Variants in HAT1 observed in about 807,000 individuals in gnomAD.
HAT1 encodes histone acetyltransferase type B catalytic subunit.
In HAT1, 20 loss-of-function variants were observed where a neutral mutation model predicts 56.6. The observed-to-expected ratio is 0.35, with a 90% confidence interval of 0.25 to 0.51. The LOEUF (loss-of-function observed/expected upper bound fraction) is 0.51. Among genes scored for constraint, HAT1 ranks in the 20% least tolerant of loss-of-function variants. HAT1 has a pLI of 0.95. For missense variants in HAT1, 408 were observed against 504.3 expected (o/e 0.81, Z 1.83); for synonymous variants, 146 against 165.5 (o/e 0.88, Z 0.91).
intron 6 of HAT1, 43 bp from the exon 7 acceptor site, chr2:171,966,366 C>T (rs1687683000): frequency 5.2e-6 from 5 of 962,560 alleles, no homozygotes; most frequent in African/African-American, 1.6e-5. Context: ...TGCATGGGAG[C>T]GCGACTGTAA....
chr2:171,922,876 G>A, intron 1 of HAT1: 1 of 242,954 alleles, frequency 4.1e-6, no homozygotes, highest in Non-Finnish European at 7.8e-6. Context: ...ATCTGGTCCT[G>A]TTCCCGCCAG....
At chr2:171,923,173 C>T (rs185123534) in intron 1 of HAT1, 1 of 152,196 alleles carries the variant, frequency 6.6e-6, no homozygotes, top group Non-Finnish European at 1.5e-5. Context: ...CTTCAAGTTA[C>T]AACATTTAAT....
chr2:171,950,404 C>T (rs912881829), intron 3 of HAT1, among the ~76,000 whole-genome samples: 25 of 152,066 alleles, frequency 1.6e-4, no homozygotes, highest in Non-Finnish European at 2.5e-4. Context: ...TGGTCCCGAA[C>T]TCTGGAGCTT....
intron 3 of HAT1, 81 bp downstream of exon 3, chr2:171,946,864 AATTTT>A (rs1687179868): frequency 1.5e-6 from 1 of 676,162 alleles, no homozygotes; most frequent in Admixed American, 2.8e-5. Flanking sequence ...TTAGAAATCA[AATTTT>A]ATTTTCTTCT....
chr2:171,979,520 A>T, intron 10 of HAT1, 157 bp downstream of exon 10: 1 of 543,086 alleles, frequency 1.8e-6, no homozygotes, highest in Non-Finnish European at 3.3e-6. Context: ...AAAAATTCTC[A>T]CTCATGGCCG....
intron 2 of HAT1, among the ~76,000 whole-genome samples, chr2:171,946,445 C>G (rs1574046076): frequency 6.6e-6 from 1 of 152,262 alleles, no homozygotes; most frequent in African/African-American, 2.4e-5. Context: ...AAATGAGGTG[C>G]CTCTGTCATA....
chr2:171,943,726 C>CATATATATATAT (rs141557606), intron 2 of HAT1, among the ~76,000 whole-genome samples: 23 of 143,020 alleles, frequency 1.6e-4, no homozygotes, highest in South Asian at 6.6e-4. Flanking sequence ...TATGGACATT[C>CATATATATATAT]ATATATATAT....
intron 4 of HAT1, 63 bp downstream of exon 4, chr2:171,953,064 G>C (rs1487221987): frequency 8.3e-7 from 1 of 1,197,902 alleles, no homozygotes; most frequent in Non-Finnish European, 1.2e-6. Flanking sequence ...TAGGTTTTAG[G>C]CCAGGTGCGG....
At chr2:171,934,411 A>G (rs1320319468) in intron 2 of HAT1, among the ~76,000 whole-genome samples, 1 of 152,216 alleles carries the variant, frequency 6.6e-6, no homozygotes, top group Non-Finnish European at 1.5e-5. Context: ...AATTTCTACC[A>G]TAACAAGATG....
intron 4 of HAT1, among the ~76,000 whole-genome samples, chr2:171,963,159 T>G (rs1687612413): frequency 6.6e-6 from 1 of 150,976 alleles, no homozygotes; most frequent in Non-Finnish European, 1.5e-5. Flanking sequence ...TATTTGGTTT[T>G]AAGTTGTATA....
At position 171,927,949 on chromosome 2, in the gene HAT1, C is replaced by T. The variant is rs181713223; in HGVS notation, c.112+2308C>T. On this transcript the variant is annotated intron_variant, in intron 2 of 10. Transcript: ENST00000264108. ...TCACCCAGGCTGGAGTGCAATGACG[C>T]GGTCTTGGCTCACTGAAACCTCTGC... 4.6e-3 allele frequency among the ~76,000 whole-genome samples: 704 copies of T among 151,994 alleles called. 4 individuals are homozygous for T. The highest frequency in any genetic ancestry group is 7.3e-3 in the Non-Finnish European group (499 of 67,958).
intron 2 of HAT1, among the ~76,000 whole-genome samples, chr2:171,930,849 A>G (rs1686725837): frequency 6.6e-6 from 1 of 151,712 alleles, no homozygotes; most frequent in Admixed American, 6.6e-5. Context: ...TCCTGGGCTC[A>G]AGCAATCCTC....
At chr2:171,945,703 C>T (rs947457432) in intron 2 of HAT1, among the ~76,000 whole-genome samples, 3 of 151,392 alleles carry the variant, frequency 2.0e-5, no homozygotes, top group Non-Finnish European at 4.4e-5. Flanking sequence ...GAGTCTCGCT[C>T]TCTTGGCCAG....
Position 171,946,731 on chromosome 2 carries a change from A to C in HAT1, c.136A>C (p.Asn46His), listed in dbSNP as rs777534028. ...KLVRFPEDLE[N>H]DIRTFFPEYT... Reference sequence around the variant, plus strand: ...AGTTCGTTTTCCTGAAGATCTTGAAAATGACATTAGAACTTTCTTTCCTGA... The same window carrying C: ...AGTTCGTTTTCCTGAAGATCTTGAACATGACATTAGAACTTTCTTTCCTGA... The change falls in exon 3 of 11, where the codon AAT becomes CAT. Residue 46 changes from asparagine (N) to histidine (H), a missense_variant. Physicochemically the swap from Asn to His is moderately conservative, Grantham distance 68 (BLOSUM62 1). Coordinates refer to ENST00000264108, the MANE Select transcript of HAT1 (RefSeq NM_003642.4). The C allele has an allele frequency of 8.8e-6, 14 of 1,582,772 alleles. No homozygotes were observed. Among genetic ancestry groups the C allele is most frequent in the Middle Eastern group, 1.7e-4 (1 of 5,996 alleles).
intron 3 of HAT1, among the ~76,000 whole-genome samples, chr2:171,952,191 T>A (rs1005577465): frequency 3.3e-5 from 5 of 152,222 alleles, no homozygotes; most frequent in Non-Finnish European, 7.3e-5. Context: ...AATGCATTAA[T>A]AGTCACTTTA....
intron 8 of HAT1, among the ~76,000 whole-genome samples, chr2:171,972,721 C>T (rs1179072176): frequency 6.6e-6 from 1 of 152,238 alleles, no homozygotes; most frequent in Non-Finnish European, 1.5e-5. Flanking sequence ...CTGGTATCTG[C>T]TCCTATATAG....
chr2:171,946,307 G>T (rs766739809), intron 2 of HAT1, among the ~76,000 whole-genome samples: 16 of 152,268 alleles, frequency 1.1e-4, no homozygotes, highest in Admixed American at 2.0e-4. Flanking sequence ...TCAAACTCAG[G>T]TTATTGTTAT....
intron 2 of HAT1, among the ~76,000 whole-genome samples, chr2:171,939,858 C>CA (rs1686976231): frequency 1.3e-5 from 2 of 151,752 alleles, no homozygotes; most frequent in Admixed American, 1.3e-4. Context: ...GTGGCGCAGT[C>CA]ATGGCTCATT....
intron 8 of HAT1, among the ~76,000 whole-genome samples, chr2:171,972,748 C>T (rs1306931786): frequency 6.6e-6 from 1 of 152,252 alleles, no homozygotes; most frequent in Admixed American, 6.5e-5. Context: ...CTTACTTCTT[C>T]AGGGAGAGTG....
Sources: gnomAD v4.1 joint callset for allele counts (sites outside exome capture counted in the v4.1 genomes callset) on GRCh38, gnomAD v4.1.1 for gene constraint, MANE v1.5 for transcripts, NCBI Gene and HGNC (gene_info 2026-07-23, HGNC 2026-07-21) for gene names.